TTC23: variants seen among roughly 807,000 people sequenced by gnomAD.
TTC23 encodes tetratricopeptide repeat domain 23, also known as tetratricopeptide repeat protein 23.
A neutral mutation model predicts 55.1 loss-of-function variants in TTC23; 58 were observed. The ratio of observed to expected loss-of-function variants is 1.05; its 90% CI spans 0.85 to 1.31. The LOEUF (loss-of-function observed/expected upper bound fraction) is 1.31. TTC23 is among the 50% of genes most tolerant of loss of function. TTC23 has a pLI of 0.00. For missense variants in TTC23, 516 were observed against 534.4 expected (o/e 0.97, Z 0.34); for synonymous variants, 203 against 199.9 (o/e 1.02, Z -0.13).
At chr15:99,211,230 C>T (rs2077010293) in intron 8 of TTC23, among the ~76,000 whole-genome samples, 1 of 151,974 alleles carries the variant, frequency 6.6e-6, no homozygotes, top group Non-Finnish European at 1.5e-5. Flanking sequence ...CAAAAATTAG[C>T]TGGGCGTGGT....
intron 8 of TTC23, among the ~76,000 whole-genome samples, chr15:99,209,774 A>C (rs1333149365): frequency 6.6e-6 from 1 of 152,142 alleles, no homozygotes; most frequent in Non-Finnish European, 1.5e-5. Context: ...TCACTCTGTC[A>C]CCCAGGTTGG....
chr15:99,179,125 G>A (rs1256276335), intron 9 of TTC23, among the ~76,000 whole-genome samples: 2 of 152,194 alleles, frequency 1.3e-5, no homozygotes, highest in African/African-American at 2.4e-5. Flanking sequence ...AGGACCACAC[G>A]GAAATGTCCA....
intron 9 of TTC23, among the ~76,000 whole-genome samples, chr15:99,180,546 A>G (rs777088210): frequency 5.3e-5 from 8 of 152,154 alleles, no homozygotes; most frequent in Admixed American, 3.9e-4. Flanking sequence ...GATTGGTAAA[A>G]TGTGTAATAT....
Position 99,139,367 on chromosome 15 carries a change from C to T in TTC23, c.1176G>A (p.Pro392=), listed in dbSNP as rs200435817. The T allele has an allele frequency of 8.1e-5, 130 of 1,613,992 alleles. No homozygotes were observed. Among genetic ancestry groups the T allele is most frequent in the Middle Eastern group, 3.3e-4 (2 of 6,062 alleles). ...GGGTGGCCAGAGTCCTTTTGTCCTG[C>T]GGTCCATATAAGAGGGTCTGGATCT... The part of the protein sequence containing the change: ...CLQIQTLLYG[P]QDKRTLATQQ... The change falls in exon 13 of 14, where the codon CCG becomes CCA. Residue 392 remains proline, a synonymous_variant. Coordinates refer to ENST00000394132, the MANE Select transcript of TTC23 (RefSeq NM_001288615.3).
At chr15:99,244,100 T>C (rs572047047) in intron 2 of TTC23, among the ~76,000 whole-genome samples, 39 of 152,272 alleles carry the variant, frequency 2.6e-4, no homozygotes, top group African/African-American at 8.7e-4. Flanking sequence ...CATAAATATA[T>C]ACACCTACTA....
Position 99,163,041 on chromosome 15 carries a change from C to A in TTC23, c.866-1174G>T, listed in dbSNP as rs188403084. ...GAGGCTTCAGTGAGCTGTGATCATA[C>A]CACTGTATTCCAGCCTGGGTAACAG... On this transcript the variant is annotated intron_variant, in intron 10 of 13. Transcript: ENST00000394132. Among the ~76,000 whole-genome samples, 380 of 152,156 alleles carry A rather than the reference C, an allele frequency of 2.5e-3. 4 individuals carry two copies. The highest frequency in any genetic ancestry group is 8.9e-3 in the African/African-American group (368 of 41,514).
chr15:99,225,732 G>A (rs1335816639), intron 5 of TTC23, among the ~76,000 whole-genome samples: 4 of 152,208 alleles, frequency 2.6e-5, no homozygotes, highest in Non-Finnish European at 5.9e-5. Context: ...AAACATCATA[G>A]TAATAACTGA....
Position 99,179,607 on chromosome 15 carries a change from GT to G in TTC23, c.760-4453del, listed in dbSNP as rs147010542. ...TACCACTGAGTGAACGAAGCAACTT[GT>G]AAAAGGATGCAAACACCATGGCACC... On this transcript the variant is annotated intron_variant, in intron 9 of 13. Coordinates refer to ENST00000394132, the MANE Select transcript of TTC23 (RefSeq NM_001288615.3). Among the ~76,000 whole-genome samples the G allele has an allele frequency of 9.7e-3, 1,473 of 152,318 alleles. 35 individuals carry two copies. The highest frequency in any genetic ancestry group is 0.034 in the African/African-American group (1,398 of 41,556).
intron 9 of TTC23, among the ~76,000 whole-genome samples, chr15:99,180,714 G>T (rs1018191417): frequency 1.3e-5 from 2 of 152,176 alleles, no homozygotes. Context: ...GGGGGTTAGG[G>T]AAATATATTT....
At chr15:99,247,114 A>T (rs1483272156) in intron 1 of TTC23, among the ~76,000 whole-genome samples, 1 of 152,232 alleles carries the variant, frequency 6.6e-6, no homozygotes, top group Non-Finnish European at 1.5e-5. Context: ...AAGCTGTAAT[A>T]AGATACCACT....
chr15:99,176,912 C>G (rs1233806536), intron 9 of TTC23, among the ~76,000 whole-genome samples: 1 of 152,132 alleles, frequency 6.6e-6, no homozygotes, highest in East Asian at 1.9e-4. Context: ...CCACCCTAGC[C>G]AGTGGTGGGA....
In TTC23 at chr15:99,153,003, T is replaced by C. The variant is rs28486052; in HGVS notation, c.1143+3145A>G. Among the ~76,000 whole-genome samples, 1,236 of 152,314 alleles carry C rather than the reference T, an allele frequency of 8.1e-3. 15 individuals carry two copies. Among genetic ancestry groups the C allele is most frequent in the African/African-American group, 0.026 (1,101 of 41,554 alleles). On this transcript the variant is annotated intron_variant, in intron 12 of 13. Transcript: ENST00000394132. ...TAGTAGAGACAGGGTTTCGCTGTGTTGGCCAAGCTGGTCTCGAACTCCTGG... is the reference window on the plus strand; with the variant it reads ...TAGTAGAGACAGGGTTTCGCTGTGTCGGCCAAGCTGGTCTCGAACTCCTGG...
chr15:99,244,275 T>C (rs2080048407), intron 2 of TTC23, among the ~76,000 whole-genome samples: 1 of 152,208 alleles, frequency 6.6e-6, no homozygotes, highest in South Asian at 2.1e-4. Flanking sequence ...AAGTTGTGGA[T>C]ATTACAGTCA....
rs748167577 is a variant in TTC23 at position 99,219,052 on chromosome 15, T to C, written c.305-4A>G. On this transcript the variant is annotated splice_polypyrimidine_tract_variant and splice_region_variant and intron_variant, in intron 6 of 13. Coordinates refer to ENST00000394132, the MANE Select transcript of TTC23 (RefSeq NM_001288615.3). ...TGTTTTGCTTGCAGTGACAGTCCTG[T>C]GGACAAAGAAAAAGAGGTCTCAGTT... 1.9e-5 allele frequency: 30 copies of C among 1,613,416 alleles called. No individual in the cohort carries two copies. In the Middle Eastern group the frequency reaches 1.3e-3, roughly 71 times the overall value.
At chr15:99,168,718 G>C (rs769360684) in intron 10 of TTC23, among the ~76,000 whole-genome samples, 1 of 152,198 alleles carries the variant, frequency 6.6e-6, no homozygotes, top group African/African-American at 2.4e-5. Context: ...TTTCAGCTCT[G>C]CCCCAGCTAG....
intron 9 of TTC23, among the ~76,000 whole-genome samples, chr15:99,178,829 A>C (rs568429000): frequency 1.3e-5 from 2 of 152,342 alleles, no homozygotes; most frequent in Non-Finnish European, 2.9e-5. Flanking sequence ...CCTGGCATGG[A>C]GGAAACCCAA....
chr15:99,138,045 G>T lies in TTC23; in HGVS notation c.1309C>A (p.Leu437Met). ...FCTSIPQDTL[L>M]GKARPGTTAD ...GTTGTGCCGGGCCGGGCCTTCCCCA[G>T]CAGGGTGTCCTGAGGGATGCTGGTG... The change falls in exon 14 of 14, where the codon CTG (leucine) becomes ATG (methionine). Residue 437 changes from leucine (L) to methionine (M), a missense_variant. Leu to Met is a conservative substitution (Grantham distance 15). Transcript: ENST00000394132. The T allele has an allele frequency of 6.2e-7, 1 of 1,614,120 alleles. No homozygotes were observed. Among genetic ancestry groups the T allele is most frequent in the South Asian group, 1.1e-5 (1 of 91,080 alleles).
At chr15:99,245,238 G>A (rs765094123) in intron 2 of TTC23, among the ~76,000 whole-genome samples, 151 bp downstream of exon 2, 2 of 152,170 alleles carry the variant, frequency 1.3e-5, no homozygotes, top group Non-Finnish European at 2.9e-5. Context: ...GAGGCCGGGC[G>A]TGGTGGCTCA....
At chr15:99,185,468 T>C (rs1233150835) in intron 9 of TTC23, among the ~76,000 whole-genome samples, 2 of 152,130 alleles carry the variant, frequency 1.3e-5, no homozygotes, top group Admixed American at 1.3e-4. Context: ...ACTGATGAAT[T>C]TAATGATTTC....
Sources: gnomAD v4.1 joint callset for allele counts (sites outside exome capture counted in the v4.1 genomes callset) on GRCh38, gnomAD v4.1.1 for gene constraint, MANE v1.5 for transcripts, NCBI Gene and HGNC (gene_info 2026-07-23, HGNC 2026-07-21) for gene names.